Variants in TRIP11 observed in about 807,000 individuals in gnomAD.
TRIP11 encodes thyroid receptor-interacting protein 11.
A neutral mutation model predicts 223.1 loss-of-function variants in TRIP11; 148 were observed. The ratio of observed to expected loss-of-function variants is 0.66; its 90% CI spans 0.58 to 0.76. TRIP11 has a LOEUF of 0.76. Among genes scored for constraint, TRIP11 ranks in the 30% least tolerant of loss-of-function variants. The pLI, the probability that TRIP11 is intolerant of heterozygous loss-of-function variation, is 0.00. For missense variants in TRIP11, 2,043 were observed against 2,222.0 expected (o/e 0.92, Z 1.62); for synonymous variants, 762 against 772.6 (o/e 0.99, Z 0.23).
rs1382959303 is a variant in TRIP11 at position 92,003,783 on chromosome 14, A to G, written c.4193T>C (p.Leu1398Pro). The change falls in exon 11 of 21, where the codon CTA becomes CCA. Residue 1398 changes from leucine to proline, a missense_variant. Coordinates refer to ENST00000267622, the MANE Select transcript of TRIP11 (RefSeq NM_004239.4). ...TTGCAAAACATCTTGTTTCTCCTTT[A>G]GCTGCTTGATTTCTGAATCGGTTTG... ...HEQTDSEIKQ[L>P]KEKQDVLQKL... 6.2e-7 allele frequency: 1 copy of G among 1,614,052 alleles called. No individual in the cohort carries two copies. The highest frequency in any genetic ancestry group is 1.1e-5 in the South Asian group (1 of 91,080).
intron 13 of TRIP11, among the ~76,000 whole-genome samples, chr14:91,998,108 A>G (rs2056774103): frequency 6.6e-6 from 1 of 152,202 alleles, no homozygotes; most frequent in African/African-American, 2.4e-5. Context: ...CTACTAGCCT[A>G]TAATTTATTT....
In TRIP11 at chr14:92,011,092, G is replaced by T; in HGVS notation, c.1228-20C>A. 1.2e-6 allele frequency: 2 copies of T among 1,607,862 alleles called. No homozygotes were observed. Among genetic ancestry groups the T allele is most frequent in the Non-Finnish European group, 1.7e-6 (2 of 1,174,452 alleles). On this transcript the variant is annotated intron_variant, in intron 8 of 20. Coordinates refer to ENST00000267622, the MANE Select transcript of TRIP11 (RefSeq NM_004239.4). ...GTTATCCTACAAAAATGTTAAAGCA[G>T]TGTTTTCAGGTAACAAGAAATTTCC...
rs1162488429 is a variant in TRIP11, at chr14:91,968,496, G to A, written c.*1177C>T. Reference sequence around the variant, plus strand: ...ACCTCATATGTCAACACCGCAGACGGAGGCAGGAAGTGGCATGTTCAGTGA... The same window carrying A: ...ACCTCATATGTCAACACCGCAGACGAAGGCAGGAAGTGGCATGTTCAGTGA... On this transcript the variant is annotated 3_prime_UTR_variant, in exon 21 of 21. Coordinates refer to ENST00000267622, the MANE Select transcript of TRIP11 (RefSeq NM_004239.4). The A allele has an allele frequency of 1.8e-5, 4 of 216,554 alleles. No homozygotes were observed. The highest frequency in any genetic ancestry group is 3.7e-5 in the Non-Finnish European group (4 of 107,396). 13.4% of individuals were successfully genotyped at this position (216,554 alleles called of 1,614,324 possible).
At position 91,993,817 on chromosome 14, in the gene TRIP11, A is replaced by G; in HGVS notation, c.5152T>C (p.Ser1718Pro). 1.2e-6 allele frequency: 2 copies of G among 1,612,938 alleles called. No homozygotes were observed. Among genetic ancestry groups the G allele is most frequent in the South Asian group, 2.2e-5 (2 of 91,052 alleles). ...NAENLEGKVISLQECLDEANA... is the reference protein window; with the variant it reads ...NAENLEGKVIPLQECLDEANA... ...AAACTATTTTGTCCTACCTGTAATGATATCACTTTTCCTTCCAGATTTTCT... is the reference window on the plus strand; with the variant it reads ...AAACTATTTTGTCCTACCTGTAATGGTATCACTTTTCCTTCCAGATTTTCT... Residue 1718 changes from serine to proline, a missense_variant, in exon 15 of 21, where the codon TCA becomes CCA. By Grantham distance (74) the Ser-to-Pro change is moderately conservative (BLOSUM62 -1). Transcript: ENST00000267622.
At chr14:91,990,711 T>G (rs2056660589) in intron 15 of TRIP11, among the ~76,000 whole-genome samples, 1 of 152,176 alleles carries the variant, frequency 6.6e-6, no homozygotes, top group African/African-American at 2.4e-5. Context: ...GCATAGAGGC[T>G]CACGCCTGTA....
intron 13 of TRIP11, among the ~76,000 whole-genome samples, chr14:91,998,054 C>T (rs1449351146): frequency 1.3e-5 from 2 of 152,120 alleles, no homozygotes; most frequent in East Asian, 1.9e-4. Flanking sequence ...TAATAATATA[C>T]TCTGCAAAGG....
rs2056888894 is a variant in TRIP11 at position 92,005,558 on chromosome 14, C to T, written c.2418G>A (p.Leu806=). The part of the protein sequence containing the change: ...LSSSLEEQKQ[L]TQLINKKEIF... ...TTTCTTTCTTGTTTATAAGTTGTGTCAACTGCTTCTGCTCTTCTAAACTAG... is the reference window on the plus strand; with the variant it reads ...TTTCTTTCTTGTTTATAAGTTGTGTTAACTGCTTCTGCTCTTCTAAACTAG... Residue 806 remains leucine (L), a synonymous_variant, in exon 11 of 21, where the codon TTG becomes TTA. Transcript: ENST00000267622. 6.2e-7 allele frequency: 1 copy of T among 1,612,234 alleles called. No homozygotes were observed. The highest frequency in any genetic ancestry group is 1.1e-5 in the South Asian group (1 of 90,360).
In TRIP11 at chr14:92,003,995, T is replaced by C. The variant is rs1566858586; in HGVS notation, c.3981A>G (p.Ala1327=). The C allele has an allele frequency of 6.2e-7, 1 of 1,614,206 alleles. No homozygotes were observed. Among genetic ancestry groups the C allele is most frequent in the Non-Finnish European group, 8.5e-7 (1 of 1,180,036 alleles). Residue 1327 remains alanine (A), a synonymous_variant, in exon 11 of 21, where the codon GCA becomes GCG. Transcript: ENST00000267622. ...CAGACTTACTTGCTCTAAGACACTC[T>C]GCAGACTGGGGAGTAAGCAATGATG... ...SSASLLTPQS[A]ECLRASKSEV... is the part of the protein sequence containing the mutation.
At chr14:92,000,177 T>C (rs1358975828) in intron 11 of TRIP11, 69 bp from the exon 12 acceptor site, 5 of 1,599,290 alleles carry the variant, frequency 3.1e-6, no homozygotes, top group South Asian at 1.1e-5. Flanking sequence ...AGACATTTTC[T>C]TCACTCAATT....
chr14:92,003,457 C>A lies in TRIP11; in HGVS notation c.4519G>T (p.Ala1507Ser). 1 of 1,613,968 alleles carries A rather than the reference C, an allele frequency of 6.2e-7. No individual in the cohort carries two copies. The highest frequency in any genetic ancestry group is 8.5e-7 in the Non-Finnish European group (1 of 1,180,012). ...EFECHSMKEK[A>S]LAFEQLLKEK... is the part of the protein sequence containing the mutation. The stretch of plus-strand genomic sequence containing the variant: ...TTCAATAGCTGTTCAAAAGCAAGAG[C>A]CTTCTCCTTCATTGAGTGGCACTCA... Residue 1507 changes from alanine (A) to serine (S), a missense_variant, in exon 11 of 21, where the codon GCT becomes TCT. Ala to Ser is a moderately conservative substitution (Grantham distance 99, BLOSUM62 1). Transcript: ENST00000267622.
intron 20 of TRIP11, among the ~76,000 whole-genome samples, chr14:91,971,894 A>G (rs1472460830): frequency 6.6e-6 from 1 of 152,228 alleles, no homozygotes; most frequent in East Asian, 1.9e-4. Context: ...TAAATTCTTT[A>G]TTATTTTATC....
intron 1 of TRIP11, among the ~76,000 whole-genome samples, chr14:92,034,854 G>A (rs1047909916): frequency 6.6e-6 from 1 of 152,096 alleles, no homozygotes; most frequent in African/African-American, 2.4e-5. Flanking sequence ...GGCAGGTCTC[G>A]AACTCCTAGC....
intron 16 of TRIP11, among the ~76,000 whole-genome samples, chr14:91,980,578 T>C (rs2056525273): frequency 6.6e-6 from 1 of 152,232 alleles, no homozygotes; most frequent in Non-Finnish European, 1.5e-5. Context: ...GCATTAGTAC[T>C]TATCATCCAA....
chr14:91,995,387 G>A lies in TRIP11; in HGVS notation c.5021C>T (p.Ala1674Val). The A allele has an allele frequency of 6.2e-7, 1 of 1,613,910 alleles. No individual in the cohort carries two copies. The highest frequency in any genetic ancestry group is 8.5e-7 in the Non-Finnish European group (1 of 1,179,978). ...ATGCTCTAGTACCATCTGCAGGTTG[G>A]CCAGTGACAGAGCATACTGCTTTAC... ...EQVKQYALSLANLQMVLEHFQ... is the reference protein window; with the variant it reads ...EQVKQYALSLVNLQMVLEHFQ... Residue 1674 changes from alanine (A) to valine (V), a missense_variant, in exon 14 of 21, where the codon GCC becomes GTC. Ala to Val is a moderately conservative substitution (Grantham distance 64). Transcript: ENST00000267622.
chr14:91,979,383 T>C (rs2056509084), intron 16 of TRIP11, among the ~76,000 whole-genome samples: 1 of 152,168 alleles, frequency 6.6e-6, no homozygotes, highest in Non-Finnish European at 1.5e-5. Flanking sequence ...ATTTTAACTT[T>C]GCTCTATGAA....
At chr14:92,018,962 AAAAAAAAAAAAAAAAAC>A in intron 4 of TRIP11, among the ~76,000 whole-genome samples, 1 of 58,546 alleles carries the variant, frequency 1.7e-5, no homozygotes, top group African/African-American at 1.1e-4. Flanking sequence ...CTCCATCTCA[AAAAAAAAAAAAAAAAAC>A]AAAAAAAAAA....
At chr14:92,038,782 G>A (rs750931283) in intron 1 of TRIP11, among the ~76,000 whole-genome samples, 2 of 152,142 alleles carry the variant, frequency 1.3e-5, no homozygotes, top group South Asian at 4.1e-4. Flanking sequence ...TCCAAACATT[G>A]CTTACTAAAA....
At chr14:92,039,441 C>T in intron 1 of TRIP11, 106 bp downstream of exon 1, 2 of 1,227,178 alleles carry the variant, frequency 1.6e-6, no homozygotes, top group Non-Finnish European at 2.3e-6. Flanking sequence ...GGAGGAGCAG[C>T]ATTCCTTTGC....
chr14:92,017,634 G>T, intron 5 of TRIP11, 48 bp downstream of exon 5: 1 of 1,425,246 alleles, frequency 7.0e-7, no homozygotes, highest in Non-Finnish European at 9.9e-7. Flanking sequence ...CTTTTAATAA[G>T]CAGATTTAGA....
Sources: allele counts gnomAD v4.1 joint callset (sites outside exome capture counted in the v4.1 genomes callset), GRCh38; gene constraint gnomAD v4.1.1; transcripts MANE v1.5; gene names NCBI Gene and HGNC (gene_info 2026-07-23, HGNC 2026-07-21).